Variants in GRM8 observed in about 807,000 individuals in gnomAD.
GRM8 encodes glutamate metabotropic receptor 8.
A neutral mutation model predicts 87.2 loss-of-function variants in GRM8; 47 were observed. The observed-to-expected ratio is 0.54, with a 90% confidence interval of 0.43 to 0.69. The LOEUF (loss-of-function observed/expected upper bound fraction) is 0.69, where lower values mean the gene tolerates loss of function less well. Among genes scored for constraint, GRM8 ranks in the 30% least tolerant of loss-of-function variants. The pLI is 0.00. For synonymous variants in GRM8, 396 were observed against 404.5 expected (o/e 0.98, Z 0.25); for missense variants, 1,019 against 1,139.2 (o/e 0.89, Z 1.52).
intron 7 of GRM8, among the ~76,000 whole-genome samples, chr7:126,653,443 T>G (rs533080002): frequency 6.6e-6 from 1 of 152,320 alleles, no homozygotes; most frequent in African/African-American, 2.4e-5. Context: ...TAAAACCCTT[T>G]CCTTTTTGCA....
intron 3 of GRM8, among the ~76,000 whole-genome samples, chr7:126,933,668 C>G (rs900577121): frequency 7.2e-5 from 11 of 152,186 alleles, no homozygotes; most frequent in Admixed American, 3.9e-4. Flanking sequence ...TTGGTTCCAA[C>G]AATTCCTAGT....
At chr7:126,809,044 TC>T (rs202023052) in intron 6 of GRM8, among the ~76,000 whole-genome samples, 2,691 of 152,310 alleles carry the variant, frequency 0.018, 28 homozygotes, top group Non-Finnish European at 0.03. Context: ...AGTCCTAGAA[TC>T]TCACAGGGAG....
intron 9 of GRM8, among the ~76,000 whole-genome samples, chr7:126,518,482 G>A (rs969623253): frequency 1.3e-5 from 2 of 151,960 alleles, no homozygotes; most frequent in African/African-American, 4.8e-5. Context: ...CTGAGTACTG[G>A]GCATCCTTTT....
intron 3 of GRM8, among the ~76,000 whole-genome samples, chr7:127,077,607 A>G (rs1335841636): frequency 6.6e-6 from 1 of 152,254 alleles, no homozygotes; most frequent in African/African-American, 2.4e-5. Context: ...GCCACTGTGA[A>G]TACGAGAGTA....
chr7:126,774,786 G>T (rs767222867), intron 6 of GRM8, among the ~76,000 whole-genome samples: 113 of 152,102 alleles, frequency 7.4e-4, no homozygotes, highest in Non-Finnish European at 1.2e-3. Flanking sequence ...AAGTTCCTAA[G>T]GTGAGCCTAA....
At chr7:126,664,384 C>T (rs1805538484) in intron 7 of GRM8, among the ~76,000 whole-genome samples, 1 of 152,106 alleles carries the variant, frequency 6.6e-6, no homozygotes, top group African/African-American at 2.4e-5. Context: ...CAATTTCAAA[C>T]TATACTTTAA....
chr7:127,006,203 C>G (rs902850851), intron 3 of GRM8, among the ~76,000 whole-genome samples: 1 of 151,892 alleles, frequency 6.6e-6, no homozygotes, highest in Admixed American at 6.6e-5. Context: ...ATGAAATCTC[C>G]TTGGTCCATA....
At chr7:126,517,853 G>A (rs2150775218) in intron 9 of GRM8, among the ~76,000 whole-genome samples, 1 of 152,134 alleles carries the variant, frequency 6.6e-6, no homozygotes, top group African/African-American at 2.4e-5. Flanking sequence ...TCAACCAAAG[G>A]AAGAGAACTC....
rs968082561 is a variant in GRM8 at position 126,483,749 on chromosome 7, C to CTCCG, written c.2431-37378_2431-37377insCGGA. On this transcript the variant is annotated intron_variant, in intron 9 of 10. Coordinates refer to ENST00000339582, the MANE Select transcript of GRM8 (RefSeq NM_000845.3). ...AAACTTACCCTTAGTATTTCCCTCC[C>CTCCG]TCCCTCCCTCCCTCCCTCCCTCCCT... Among the ~76,000 whole-genome samples the CTCCG allele has an allele frequency of 9.8e-5, 4 of 40,732 alleles. No individual in the cohort carries two copies. The Admixed American group carries it at 1.1e-3, about 11-fold the overall frequency. 26.7% of individuals were successfully genotyped at this position (40,732 alleles called of 152,430 possible). A position where few individuals can be genotyped will look rare whatever the true frequency, so the allele number is the denominator to read the frequency against.
intron 2 of GRM8, among the ~76,000 whole-genome samples, chr7:127,107,663 C>G (rs1429838174): frequency 6.6e-6 from 1 of 152,160 alleles, no homozygotes; most frequent in African/African-American, 2.4e-5. Context: ...AAGAGGATGT[C>G]GGAGTTGCAG....
chr7:127,222,761 T>C (rs545321814), intron 2 of GRM8, among the ~76,000 whole-genome samples: 1 of 152,254 alleles, frequency 6.6e-6, no homozygotes, highest in African/African-American at 2.4e-5. Flanking sequence ...GTGGGGACAA[T>C]ACTGGTCAGA....
intron 9 of GRM8, among the ~76,000 whole-genome samples, chr7:126,455,287 C>T (rs544691234): frequency 1.4e-5 from 2 of 146,640 alleles, no homozygotes; most frequent in East Asian, 4.0e-4. Flanking sequence ...TAGATTCAAA[C>T]TGAGGTTTCT....
rs187986263 is a variant in GRM8 at position 127,252,933 on chromosome 7, G to T, written c.-448C>A. On this transcript the variant is annotated 5_prime_UTR_variant, in exon 1 of 11. Transcript: ENST00000339582. This position sits in a 1 kb window ranked among gnomAD's most constrained non-coding sequence, Gnocchi z 4.9. ...TTGTGGCTGATCTCTGGGCTGAGGG[G>T]GCTGAGCTGGCCTAGCAGGCGCCAA... 1.7e-5 allele frequency: 3 copies of T among 176,182 alleles called. No homozygotes were observed. Among genetic ancestry groups the T allele is most frequent in the African/African-American group, 4.8e-5 (2 of 41,658 alleles). The allele number at this position is 176,182 out of a possible 1,614,324, so 10.9% of individuals were successfully genotyped here. A position where few individuals can be genotyped will look rare whatever the true frequency, so the allele number is the denominator to read the frequency against.
intron 10 of GRM8, among the ~76,000 whole-genome samples, chr7:126,439,424 TAACAC>T (rs764940723): frequency 7.2e-5 from 11 of 152,098 alleles, no homozygotes; most frequent in East Asian, 1.9e-4. Context: ...AGTGAACACA[TAACAC>T]AACACAACAC....
At chr7:126,482,179 G>A (rs920125285) in intron 9 of GRM8, among the ~76,000 whole-genome samples, 1 of 151,956 alleles carries the variant, frequency 6.6e-6, no homozygotes, top group Non-Finnish European at 1.5e-5. Flanking sequence ...TGGAGATATT[G>A]GAATCTCTGT....
intron 3 of GRM8, among the ~76,000 whole-genome samples, chr7:127,046,331 C>T (rs1818924370): frequency 6.6e-6 from 1 of 151,730 alleles, no homozygotes; most frequent in African/African-American, 2.4e-5. Flanking sequence ...GAGGTCGCAC[C>T]ACTGCACTCC....
At chr7:126,911,083 T>C (rs2131291017) in intron 3 of GRM8, among the ~76,000 whole-genome samples, 1 of 152,320 alleles carries the variant, frequency 6.6e-6, no homozygotes, top group East Asian at 1.9e-4. Flanking sequence ...ACAAGAATCA[T>C]CACCAACACT....
rs1584723381 is a variant in GRM8 at position 126,470,268 on chromosome 7, C to A, written c.2431-23896G>T. 2.0e-5 allele frequency among the ~76,000 whole-genome samples: 3 copies of A among 151,722 alleles called. 1 individual carries two copies. The South Asian group carries it at 6.2e-4, about 32-fold the overall frequency. On this transcript the variant is annotated intron_variant, in intron 9 of 10. Coordinates refer to ENST00000339582, the MANE Select transcript of GRM8 (RefSeq NM_000845.3). ...GGTTAGTTACATACGTATACATGTGCCATGCTGGGGTGCTGCACCCATTAA... is the reference window on the plus strand; with the variant it reads ...GGTTAGTTACATACGTATACATGTGACATGCTGGGGTGCTGCACCCATTAA...
chr7:127,227,410 T>A (rs1383545910), intron 2 of GRM8, among the ~76,000 whole-genome samples: 1 of 152,224 alleles, frequency 6.6e-6, no homozygotes, highest in Admixed American at 6.5e-5. Flanking sequence ...TTCTAGACTC[T>A]AGATTCTAGA....
Sources: allele counts gnomAD v4.1 joint callset (sites outside exome capture counted in the v4.1 genomes callset), GRCh38; gene constraint gnomAD v4.1.1; non-coding constraint Gnocchi (gnomAD v3.1); transcripts MANE v1.5; gene names NCBI Gene and HGNC (gene_info 2026-07-23, HGNC 2026-07-21).